Variants in DENND2C observed in about 807,000 individuals in gnomAD.
DENND2C encodes the protein DENN domain-containing protein 2C.
A neutral mutation model predicts 112.4 loss-of-function variants in DENND2C; 72 were observed. That is an observed-to-expected ratio of 0.64 (90% CI 0.53 to 0.78). The LOEUF (loss-of-function observed/expected upper bound fraction) is 0.78, where lower values mean the gene tolerates loss of function less well. Among genes scored for constraint, DENND2C ranks in the 30% least tolerant of loss-of-function variants. DENND2C has a pLI of 0.00. For synonymous variants in DENND2C, 329 were observed against 381.6 expected, an observed-to-expected ratio of 0.86 and a Z score of 1.61; for missense variants, 992 against 1,113.8, an observed-to-expected ratio of 0.89 and a Z score of 1.56.
intron 2 of DENND2C, among the ~76,000 whole-genome samples, chr1:114,650,652 C>A (rs1240989568): frequency 6.7e-5 from 8 of 119,134 alleles, no homozygotes; most frequent in East Asian, 2.5e-4. Flanking sequence ...CCAGCCTGGG[C>A]GACAGAGCGA....
At chr1:114,593,955 A>C (rs2101642775) in intron 18 of DENND2C, among the ~76,000 whole-genome samples, 1 of 152,350 alleles carries the variant, frequency 6.6e-6, no homozygotes, top group African/African-American at 2.4e-5. Flanking sequence ...ATAAACACCC[A>C]ATAAATATTA....
chr1:114,599,829 A>G (rs1349436428), intron 15 of DENND2C, among the ~76,000 whole-genome samples: 2 of 152,156 alleles, frequency 1.3e-5, no homozygotes, highest in Non-Finnish European at 2.9e-5. Flanking sequence ...CCATGCCACT[A>G]TATACCACTA....
intron 16 of DENND2C, 75 bp downstream of exon 16, chr1:114,599,196 TAAC>T: frequency 9.1e-7 from 1 of 1,101,888 alleles, no homozygotes; most frequent in Non-Finnish European, 1.3e-6. Context: ...ACTAAATTAA[TAAC>T]AATTCCACCA....
chr1:114,664,556 T>G (rs1389649045), intron 1 of DENND2C, among the ~76,000 whole-genome samples: 1 of 151,980 alleles, frequency 6.6e-6, no homozygotes, highest in Non-Finnish European at 1.5e-5. Context: ...CTCAGCTCAC[T>G]GCAACCTCCA....
intron 3 of DENND2C, among the ~76,000 whole-genome samples, chr1:114,635,050 A>T (rs992167910): frequency 1.3e-5 from 2 of 151,626 alleles, no homozygotes; most frequent in African/African-American, 4.8e-5. Context: ...AAAAAGAAAA[A>T]AAAGAAAAAA....
At chr1:114,594,090 A>G (rs1349806803) in intron 18 of DENND2C, among the ~76,000 whole-genome samples, 3 of 152,238 alleles carry the variant, frequency 2.0e-5, no homozygotes, top group African/African-American at 7.2e-5. Context: ...AATATGAGAT[A>G]GTGCTAAGAG....
intron 3 of DENND2C, among the ~76,000 whole-genome samples, chr1:114,627,268 G>A (rs1329505909): frequency 6.6e-6 from 1 of 152,200 alleles, no homozygotes; most frequent in East Asian, 1.9e-4. Flanking sequence ...TACCAACTGA[G>A]TGAAGACCTG....
rs1045439203 is a variant in DENND2C at position 114,608,987 on chromosome 1, T to A, written c.1370-114A>T. 11 of 1,165,778 alleles carry A rather than the reference T, an allele frequency of 9.4e-6. No individual in the cohort carries two copies. The African/African-American group carries it at 1.7e-4, about 18-fold the overall frequency. 72.2% of individuals were successfully genotyped at this position (1,165,778 alleles called of 1,614,324 possible). On this transcript the variant is annotated intron_variant, in intron 9 of 20. Coordinates refer to ENST00000393274, the MANE Select transcript of DENND2C (RefSeq NM_001256404.2). ...CTTCACACAGTCACTGCTGAATGAA[T>A]GTTGAATAACCAGCATCTGCCACAT...
chr1:114,610,649 G>A (rs541905690), intron 9 of DENND2C, among the ~76,000 whole-genome samples: 4 of 150,656 alleles, frequency 2.7e-5, no homozygotes, highest in East Asian at 3.9e-4. Context: ...GCAGTGAGCC[G>A]AGCTTGCGCC....
chr1:114,589,743 CTTTA>C (rs1168261437), intron 18 of DENND2C, among the ~76,000 whole-genome samples: 1 of 152,042 alleles, frequency 6.6e-6, no homozygotes, highest in Non-Finnish European at 1.5e-5. Flanking sequence ...TCTATAATTT[CTTTA>C]TTCTTTCCTT....
intron 3 of DENND2C, among the ~76,000 whole-genome samples, chr1:114,637,853 A>G (rs1308145342): frequency 1.3e-5 from 2 of 152,070 alleles, no homozygotes; most frequent in African/African-American, 4.8e-5. Flanking sequence ...AATTATCTCA[A>G]AATTGATCTA....
rs770870318 is a variant in DENND2C, at chr1:114,626,022, A to G, written c.-38T>C. 1.6e-5 allele frequency: 24 copies of G among 1,538,232 alleles called. No homozygotes were observed. The highest frequency in any genetic ancestry group is 2.0e-5 in the Non-Finnish European group (23 of 1,131,824). ...GTGAATGACAAGTGATGAATCTTAC[A>G]AAGGTTCCATTACAAGTAAATGTGA... On this transcript the variant is annotated 5_prime_UTR_variant, in exon 4 of 21. Transcript: ENST00000393274.
chr1:114,585,579 G>C lies in DENND2C; in HGVS notation c.*21C>G. The C allele has an allele frequency of 6.2e-7, 1 of 1,613,104 alleles. No homozygotes were observed. Among genetic ancestry groups the C allele is most frequent in the Non-Finnish European group, 8.5e-7 (1 of 1,179,232 alleles). ...TTTGGCACTTTCTGTTGTATATTCAGGATGGAGACAATCAGAGATTTCATT... is the reference window on the plus strand; with the variant it reads ...TTTGGCACTTTCTGTTGTATATTCACGATGGAGACAATCAGAGATTTCATT... On this transcript the variant is annotated 3_prime_UTR_variant, in exon 21 of 21. Coordinates refer to ENST00000393274, the MANE Select transcript of DENND2C (RefSeq NM_001256404.2).
intron 9 of DENND2C, among the ~76,000 whole-genome samples, chr1:114,609,647 T>C (rs1283139352): frequency 1.3e-5 from 2 of 152,202 alleles, no homozygotes. Context: ...AACTGTGGAC[T>C]TGCAGAAAAA....
intron 4 of DENND2C, among the ~76,000 whole-genome samples, chr1:114,624,081 A>G (rs940000476): frequency 6.6e-6 from 1 of 152,188 alleles, no homozygotes. Context: ...AGTGTGCAAA[A>G]TTACAAAGGT....
intron 9 of DENND2C, among the ~76,000 whole-genome samples, chr1:114,609,223 G>T (rs2101653967): frequency 6.6e-6 from 1 of 152,320 alleles, no homozygotes; most frequent in South Asian, 2.1e-4. Flanking sequence ...AAAAGCGCTA[G>T]ACTGACAACA....
intron 16 of DENND2C, among the ~76,000 whole-genome samples, chr1:114,598,538 CAGAA>C (rs139755036): frequency 0.035 from 5,374 of 152,060 alleles, 142 homozygotes; most frequent in Middle Eastern, 0.065. Context: ...GGGATGGAAA[CAGAA>C]AGAGGCATGA....
intron 1 of DENND2C, among the ~76,000 whole-genome samples, chr1:114,666,782 C>T (rs990110936): frequency 2.0e-5 from 3 of 152,178 alleles, no homozygotes; most frequent in African/African-American, 7.2e-5. Context: ...TTACCTAAGT[C>T]TGTAATGTTA....
intron 1 of DENND2C, among the ~76,000 whole-genome samples, chr1:114,663,886 T>C (rs909420062): frequency 3.9e-5 from 6 of 152,072 alleles, no homozygotes; most frequent in Non-Finnish European, 7.4e-5. Context: ...AAAATATTAA[T>C]ATTTGCTATC....
Sources: allele counts gnomAD v4.1 joint callset (sites outside exome capture counted in the v4.1 genomes callset), GRCh38; gene constraint gnomAD v4.1.1; transcripts MANE v1.5; gene names NCBI Gene and HGNC (gene_info 2026-07-23, HGNC 2026-07-21).